The following CCDC188 variants were observed in gnomAD, a reference collection of about 807,000 sequenced individuals.
The protein encoded by CCDC188 is coiled-coil domain-containing protein 188.
In CCDC188, 37 loss-of-function variants were observed where a neutral mutation model predicts 50.7. The ratio of observed to expected loss-of-function variants is 0.73; its 90% CI spans 0.56 to 0.96. The LOEUF (loss-of-function observed/expected upper bound fraction) is 0.96. Ranked by LOEUF, CCDC188 falls within the 40% of genes least tolerant of loss-of-function variation. The pLI is 0.00. For missense variants in CCDC188, 453 were observed against 512.9 expected, an observed-to-expected ratio of 0.88 and a Z score of 1.13; for synonymous variants, 208 against 228.0, an observed-to-expected ratio of 0.91 and a Z score of 0.79.
chr22:20,149,218 G>T lies in CCDC188; in HGVS notation c.941C>A (p.Ala314Asp). The T allele has an allele frequency of 1.4e-6, 2 of 1,472,970 alleles. No homozygotes were observed. The highest frequency in any genetic ancestry group is 1.4e-5 in the South Asian group (1 of 71,014). The allele number at this position is 1,472,970 out of a possible 1,614,324, so 91.2% of individuals were successfully genotyped here. A position where few individuals can be genotyped will look rare whatever the true frequency, so the allele number is the denominator to read the frequency against. The stretch of plus-strand genomic sequence containing the variant: ...GCTTGCCATCTGCTTCTCCTTCCTG[G>T]CTCGAGTGCGGCACTGGGCCCGCTC... ...LRERAQCRTR[A>D]RKEKQMASMS... Residue 314 changes from alanine (A) to aspartate (D), a missense_variant, in exon 7 of 9, where the codon GCC (alanine) becomes GAC (aspartate). By Grantham distance (126) the Ala-to-Asp change is moderately radical (BLOSUM62 -2). Transcript: ENST00000439765.
chr22:20,149,548 C>G, intron 5 of CCDC188, 33 bp downstream of exon 5: 1 of 1,550,138 alleles, frequency 6.5e-7, no homozygotes, highest in Admixed American at 2.0e-5. Context: ...CGCCGGGCCC[C>G]GTCCTTCTGG....
In CCDC188 at chr22:20,150,803, C is replaced by A; in HGVS notation, c.184G>T (p.Gly62Trp). The change falls in exon 1 of 9, where the codon GGG (glycine) becomes TGG (tryptophan). Residue 62 changes from glycine (G) to tryptophan (W), a missense_variant. By Grantham distance (184) the Gly-to-Trp change is radical. Coordinates refer to ENST00000439765, the MANE Select transcript of CCDC188 (RefSeq NM_001365892.2). ...ACTGTGGGCCCACTGCCCCCTGCCC[C>A]TGGGACTGGGAAAGGTCTCTGGGAC... is the stretch of plus-strand genomic sequence containing the variant. ...VQSQRPFPVP[G>W]AGGSGPTVEG... 6.5e-7 allele frequency: 1 copy of A among 1,549,504 alleles called. No individual in the cohort carries two copies. Among genetic ancestry groups the A allele is most frequent in the East Asian group, 2.4e-5 (1 of 40,922 alleles).
At chr22:20,149,376 C>G (rs1238785910) in intron 6 of CCDC188, 36 bp downstream of exon 6, 2 of 1,549,988 alleles carry the variant, frequency 1.3e-6, no homozygotes, top group Admixed American at 3.9e-5. Context: ...CTTCTGAGAC[C>G]CTGCTCAGCT....
chr22:20,148,766 G>T lies in CCDC188; in HGVS notation c.1057C>A (p.Leu353Met), dbSNP rs1968586485. 6.8e-7 allele frequency: 1 copy of T among 1,480,306 alleles called. No individual in the cohort carries two copies. Among genetic ancestry groups the T allele is most frequent in the Non-Finnish European group, 9.0e-7 (1 of 1,108,830 alleles). 91.7% of individuals were successfully genotyped at this position (1,480,306 alleles called of 1,614,324 possible). A position where few individuals can be genotyped will look rare whatever the true frequency, so the allele number is the denominator to read the frequency against. The change falls in exon 9 of 9, where the codon CTG becomes ATG. Residue 353 changes from leucine to methionine, a missense_variant. Transcript: ENST00000439765. ...LTLRLLLGAL[L>M]VWTAAYVYVV... is the part of the protein sequence containing the mutation. ...TACACGTAGGCAGCGGTCCAGACCA[G>T]CAGGGCGCCCAGCAGCAGCCTCAGG...
Position 20,149,525 on chromosome 22 carries a change from G to C in CCDC188, c.850-49C>G, listed in dbSNP as rs749365988. On this transcript the variant is annotated intron_variant, in intron 5 of 8. Transcript: ENST00000439765. The stretch of plus-strand genomic sequence containing the variant: ...CAGCAGGCCCCTCGCCCCGCCCTCC[G>C]TGGCCTCTCGCCCGCCGGGCCCCGT... 1.9e-6 allele frequency: 3 copies of C among 1,549,774 alleles called. No homozygotes were observed. The African/African-American group carries it at 4.1e-5, about 21-fold the overall frequency.
chr22:20,150,841 G>A lies in CCDC188; in HGVS notation c.146C>T (p.Ala49Val), dbSNP rs751636223. 5.2e-6 allele frequency: 8 copies of A among 1,531,134 alleles called. No individual in the cohort carries two copies. The East Asian group carries it at 1.7e-4, about 33-fold the overall frequency. The allele number at this position is 1,531,134 out of a possible 1,614,324, so 94.8% of individuals were successfully genotyped here. ...AGGTCTCTGGGACTGCACTGAGTGA[G>A]CAGAGGAGATGGGGCCCAGGCAGGG... ...GWPCLGPISS[A>V]HSVQSQRPFP... The change falls in exon 1 of 9, where the codon GCT becomes GTT. Residue 49 changes from alanine to valine, a missense_variant. Ala to Val is a moderately conservative substitution (Grantham distance 64, BLOSUM62 0). Transcript: ENST00000439765.
At position 20,151,010 on chromosome 22, in the gene CCDC188, T is replaced by C. The variant is rs1252489904; in HGVS notation, c.-24A>G. On this transcript the variant is annotated 5_prime_UTR_variant, in exon 1 of 9. Coordinates refer to ENST00000439765, the MANE Select transcript of CCDC188 (RefSeq NM_001365892.2). ...ATCCCTCCCTGCAACCCCTTCCTGA[T>C]CCCAGGTCCAGGCTCTGGCCTGGCC... 2.2e-6 allele frequency: 3 copies of C among 1,361,582 alleles called. No individual in the cohort carries two copies. The highest frequency in any genetic ancestry group is 2.8e-6 in the Non-Finnish European group (3 of 1,053,912). 84.3% of individuals were successfully genotyped at this position (1,361,582 alleles called of 1,614,324 possible). A position where few individuals can be genotyped will look rare whatever the true frequency, so the allele number is the denominator to read the frequency against.
At position 20,149,233 on chromosome 22, in the gene CCDC188, T is replaced by G; in HGVS notation, c.926A>C (p.Gln309Pro). The part of the protein sequence containing the change: ...IQLEILRERA[Q>P]CRTRARKEKQ... The stretch of plus-strand genomic sequence containing the variant: ...CTCCTTCCTGGCTCGAGTGCGGCAC[T>G]GGGCCCGCTCCCTGCGGGGGCCTCA... The change falls in exon 7 of 9, where the codon CAG becomes CCG. Residue 309 changes from glutamine to proline, a missense_variant. Physicochemically the swap from Gln to Pro is moderately conservative, Grantham distance 76 (BLOSUM62 -1). Coordinates refer to ENST00000439765, the MANE Select transcript of CCDC188 (RefSeq NM_001365892.2). 6.7e-7 allele frequency: 1 copy of G among 1,482,486 alleles called. No individual in the cohort carries two copies. The highest frequency in any genetic ancestry group is 9.0e-7 in the Non-Finnish European group (1 of 1,113,350). The allele number at this position is 1,482,486 out of a possible 1,614,324, so 91.8% of individuals were successfully genotyped here. A position where few individuals can be genotyped will look rare whatever the true frequency, so the allele number is the denominator to read the frequency against.
Position 20,148,553 on chromosome 22 carries a change from C to G in CCDC188, c.*61G>C. On this transcript the variant is annotated 3_prime_UTR_variant, in exon 9 of 9. Coordinates refer to ENST00000439765, the MANE Select transcript of CCDC188 (RefSeq NM_001365892.2). ...CATGTGCAGGGGGCTGGCACGGCCACTGGGCATCCGGGGCAGTGCTGGTCG... is the reference window on the plus strand; with the variant it reads ...CATGTGCAGGGGGCTGGCACGGCCAGTGGGCATCCGGGGCAGTGCTGGTCG... 6.8e-7 allele frequency: 1 copy of G among 1,466,758 alleles called. No individual in the cohort carries two copies. Among genetic ancestry groups the G allele is most frequent in the Non-Finnish European group, 9.0e-7 (1 of 1,109,732 alleles). 90.9% of individuals were successfully genotyped at this position (1,466,758 alleles called of 1,614,324 possible). A position where few individuals can be genotyped will look rare whatever the true frequency, so the allele number is the denominator to read the frequency against.
chr22:20,149,538 C>T (rs1416637136), intron 5 of CCDC188, 43 bp downstream of exon 5: 5 of 1,549,980 alleles, frequency 3.2e-6, no homozygotes, highest in Middle Eastern at 1.7e-4. Flanking sequence ...GCCTCTCGCC[C>T]GCCGGGCCCC....
At position 20,150,961 on chromosome 22, in the gene CCDC188, G is replaced by A; in HGVS notation, c.26C>T (p.Pro9Leu). The A allele has an allele frequency of 1.4e-6, 2 of 1,411,462 alleles. No individual in the cohort carries two copies. 87.4% of individuals were successfully genotyped at this position (1,411,462 alleles called of 1,614,324 possible). A position where few individuals can be genotyped will look rare whatever the true frequency, so the allele number is the denominator to read the frequency against. Reference protein sequence around the residue: MEGLKTLGPCGHPHPQCPP... With the variant: MEGLKTLGLCGHPHPQCPP... ...ACACTGGGGGTGGGGGTGGCCGCAG[G>A]GGCCCAGGGTTTTCAGCCCCTCCAT... Residue 9 changes from proline to leucine, a missense_variant, in exon 1 of 9, where the codon CCC becomes CTC. Physicochemically the swap from Pro to Leu is moderately conservative, Grantham distance 98 (BLOSUM62 -3). Transcript: ENST00000439765.
intron 6 of CCDC188, 46 bp downstream of exon 6, chr22:20,149,366 C>T (rs753470870): frequency 6.5e-7 from 1 of 1,549,314 alleles, no homozygotes; most frequent in South Asian, 1.2e-5. Context: ...ACCAGGACAC[C>T]TTCTGAGACC....
At position 20,149,769 on chromosome 22, in the gene CCDC188, C is replaced by T; in HGVS notation, c.744G>A (p.Gln248=). The change falls in exon 4 of 9, where the codon CAG becomes CAA. Residue 248 remains glutamine (Q), a synonymous_variant. Transcript: ENST00000439765. ...AFVQQSQNEL[Q]QIRLCFERKK... The stretch of plus-strand genomic sequence containing the variant: ...TCCTCTCAAAGCACAGGCGGATCTG[C>T]TGCAGCTCGTTCTGAGGGTGGGGCC... 2 of 1,516,554 alleles carry T rather than the reference C, an allele frequency of 1.3e-6. No individual in the cohort carries two copies. The highest frequency in any genetic ancestry group is 1.8e-6 in the Non-Finnish European group (2 of 1,128,024). 93.9% of individuals were successfully genotyped at this position (1,516,554 alleles called of 1,614,324 possible).
intron 6 of CCDC188, 83 bp downstream of exon 6, chr22:20,149,329 G>T (rs567999374): frequency 1.9e-6 from 3 of 1,545,682 alleles, no homozygotes; most frequent in Admixed American, 3.9e-5. Context: ...GGAGGTGGGG[G>T]GTCAAGGATG....
rs1219839141 is a variant in CCDC188 at position 20,149,867 on chromosome 22, G to T, written c.733-87C>A. ...TGGGCCCACTGGCCTACTGCACGAA[G>T]ACCTCCCTCCCTAATGAATCCCTCA... On this transcript the variant is annotated intron_variant, in intron 3 of 8. Transcript: ENST00000439765. The T allele has an allele frequency of 7.4e-6, 11 of 1,485,942 alleles. No individual in the cohort carries two copies. The East Asian group carries it at 2.7e-4, about 37-fold the overall frequency. 92.0% of individuals were successfully genotyped at this position (1,485,942 alleles called of 1,614,324 possible).
rs1315149902 is a variant in CCDC188 at position 20,149,949 on chromosome 22, G to A, written c.732+6C>T. 1.3e-6 allele frequency: 2 copies of A among 1,539,732 alleles called. No homozygotes were observed. Among genetic ancestry groups the A allele is most frequent in the Non-Finnish European group, 8.8e-7 (1 of 1,141,636 alleles). ...TCCCCCCCCACAGCCCCTCCCCCAG[G>A]CCCACCTGGGACTGTTGCACGAAAG... On this transcript the variant is annotated splice_donor_region_variant and intron_variant, in intron 3 of 8. Transcript: ENST00000439765.
rs1481035099 is a variant in CCDC188 at position 20,150,161 on chromosome 22, G to T, written c.609C>A (p.Ser203Arg). The change falls in exon 2 of 9, where the codon AGC becomes AGA. Residue 203 changes from serine to arginine, a missense_variant. Physicochemically the swap from Ser to Arg is moderately radical, Grantham distance 110. Coordinates refer to ENST00000439765, the MANE Select transcript of CCDC188 (RefSeq NM_001365892.2). Reference sequence around the variant, plus strand: ...TATTTACCCAGGCCAGAGCAGTGCAGCTTGAGTGTTCGGGACACAGGGGCA... The same window carrying T: ...TATTTACCCAGGCCAGAGCAGTGCATCTTGAGTGTTCGGGACACAGGGGCA... ...QFLPLCPEHS[S>R]CTALAWPPDP... The T allele has an allele frequency of 6.5e-7, 1 of 1,548,214 alleles. No homozygotes were observed.
chr22:20,149,572 G>T lies in CCDC188; in HGVS notation c.849+9C>A. ...CCGTCCTTCTGGGTGCTGCCCTGTG[G>T]GGACCTACCAGGAGCCCGGTGGCCT... On this transcript the variant is annotated intron_variant, in intron 5 of 8. Coordinates refer to ENST00000439765, the MANE Select transcript of CCDC188 (RefSeq NM_001365892.2). 3 of 1,550,218 alleles carry T rather than the reference G, an allele frequency of 1.9e-6. No homozygotes were observed. The highest frequency in any genetic ancestry group is 2.6e-6 in the Non-Finnish European group (3 of 1,146,920).
chr22:20,149,541 C>T (rs1162405730), intron 5 of CCDC188, 40 bp downstream of exon 5: 48 of 1,549,976 alleles, frequency 3.1e-5, no homozygotes, highest in East Asian at 2.7e-4. Context: ...TCTCGCCCGC[C>T]GGGCCCCGTC....
Sources: gnomAD v4.1 joint callset for allele counts on GRCh38, gnomAD v4.1.1 for gene constraint, MANE v1.5 for transcripts, NCBI Gene and HGNC (gene_info 2026-07-23, HGNC 2026-07-21) for gene names.